Variants in MCF2 observed in about 807,000 individuals in gnomAD.
MCF2 encodes the protein MCF.2 cell line derived transforming sequence, also known as proto-oncogene DBL.
Under a neutral mutation model 82.5 loss-of-function variants are expected in MCF2, and 44 were observed. The ratio of observed to expected loss-of-function variants is 0.53; its 90% CI spans 0.42 to 0.69. MCF2 has a LOEUF of 0.69. MCF2 is among the 30% of genes least tolerant of loss of function. MCF2 has a pLI of 0.00. For synonymous variants in MCF2, 217 were observed against 224.9 expected, an observed-to-expected ratio of 0.96 and a Z score of 0.32; for missense variants, 623 against 663.1, an observed-to-expected ratio of 0.94 and a Z score of 0.66.
At chrX:139,646,869 C>T (rs372437732), upstream of MCF2, 58 of 1,181,944 alleles carry the variant, frequency 4.9e-5, no homozygotes, top group Middle Eastern at 2.3e-4. Context: ...TTTCTGGAAA[C>T]GTAATGATCC....
chrX:139,701,656 T>G (rs1417879217), intron 1 of MCF2, among the ~76,000 whole-genome samples: 1 of 112,166 alleles, frequency 8.9e-6, no homozygotes, highest in African/African-American at 3.2e-5. Context: ...AAAACACCCT[T>G]TCTCTGTCTC....
At chrX:139,646,559 T>C (rs748490867), upstream of MCF2, among the ~76,000 whole-genome samples, 58 of 111,695 alleles carry the variant, frequency 5.2e-4, 1 homozygote, top group Non-Finnish European at 7.2e-4. Flanking sequence ...TGGGAACAAA[T>C]ACTCCTAGAT....
Position 139,588,364 on chromosome X carries a change from C to T in MCF2, c.2445G>A (p.Leu815=), listed in dbSNP as rs767631261. The T allele has an allele frequency of 4.2e-6, 5 of 1,203,498 alleles. No individual in the cohort carries two copies. The East Asian group carries it at 1.5e-4, about 36-fold the overall frequency. ...AGAATGCAGGCTTGAATTTACCTGT[C>T]AAAAGTTCCTGCTGCTTCAACAAAA... Residue 815 remains leucine (L), a synonymous_variant, in exon 21 of 25, where the codon TTG becomes TTA. Transcript: ENST00000370576.
At chrX:139,668,289 G>T (rs1186459972) in intron 1 of MCF2, among the ~76,000 whole-genome samples, 3 of 111,473 alleles carry the variant, frequency 2.7e-5, no homozygotes, top group Non-Finnish European at 5.7e-5. Flanking sequence ...AACACCGCTG[G>T]GTTCCAGGAT....
chrX:139,584,128 CTTTTTTTTT>C (rs1163854425), intron 24 of MCF2, among the ~76,000 whole-genome samples: 5 of 72,641 alleles, frequency 6.9e-5, no homozygotes, highest in African/African-American at 1.7e-4. Context: ...TGCCATTATC[CTTTTTTTTT>C]TTTTTTTTTT....
chrX:139,621,011 T>C (rs1378695333), intron 6 of MCF2, among the ~76,000 whole-genome samples: 5 of 111,199 alleles, frequency 4.5e-5, no homozygotes, highest in African/African-American at 1.6e-4. Flanking sequence ...CTTAGACCAA[T>C]GGAACAGAAT....
intron 1 of MCF2, among the ~76,000 whole-genome samples, chrX:139,676,916 G>GATCAGGCAGTTATGAA (rs1426623439): frequency 9.9e-5 from 11 of 111,422 alleles, no homozygotes; most frequent in Non-Finnish European, 2.1e-4. Context: ...AACAGGTGAT[G>GATCAGGCAGTTATGAA]ATCAGGCAGT....
chrX:139,677,376 C>T (rs1359832735), intron 1 of MCF2, among the ~76,000 whole-genome samples: 1 of 111,736 alleles, frequency 8.9e-6, no homozygotes, highest in Admixed American at 9.5e-5. Context: ...ACTTTACTTC[C>T]TTTCATTCCT....
intron 16 of MCF2, among the ~76,000 whole-genome samples, chrX:139,598,847 C>T (rs989389042): frequency 7.2e-5 from 8 of 111,273 alleles, no homozygotes; most frequent in South Asian, 3.8e-4. Flanking sequence ...AGAAAATTCA[C>T]GAAAGACCAA....
intron 1 of MCF2, among the ~76,000 whole-genome samples, chrX:139,636,708 A>G (rs761491853): frequency 3.6e-5 from 4 of 111,987 alleles, no homozygotes; most frequent in Non-Finnish European, 7.5e-5. Context: ...AGCAGGGAAC[A>G]AAGTAGAAAG....
intron 1 of MCF2, among the ~76,000 whole-genome samples, chrX:139,634,923 C>G (rs1933115004): frequency 9.1e-6 from 1 of 110,324 alleles, no homozygotes; most frequent in Admixed American, 9.7e-5. Context: ...TAGTGAGACC[C>G]CATCTCTACA....
intron 1 of MCF2, chrX:139,692,021 C>T: frequency 8.6e-7 from 1 of 1,166,674 alleles, no homozygotes. Context: ...GAGGGATCGC[C>T]TGGGCTATCG....
intron 11 of MCF2, 123 bp downstream of exon 15, chrX:139,610,178 T>G: frequency 2.2e-6 from 1 of 458,198 alleles, no homozygotes; most frequent in Non-Finnish European, 3.6e-6. Context: ...CAGCTTTTTT[T>G]CTTTTAAATA....
chrX:139,686,242 A>C (rs1400997927), intron 1 of MCF2, among the ~76,000 whole-genome samples: 1 of 111,664 alleles, frequency 9.0e-6, no homozygotes, highest in African/African-American at 3.3e-5. Flanking sequence ...CTCTTATTCA[A>C]GATAGTATTG....
intron 2 of MCF2, among the ~76,000 whole-genome samples, chrX:139,648,447 G>A (rs1419940210): frequency 9.1e-6 from 1 of 109,708 alleles, no homozygotes; most frequent in African/African-American, 3.3e-5. Context: ...CGCAAAAGAA[G>A]ACAGAAATGG....
At chrX:139,664,822 C>T (rs1934462324) in intron 1 of MCF2, among the ~76,000 whole-genome samples, 1 of 111,942 alleles carries the variant, frequency 8.9e-6, no homozygotes, top group African/African-American at 3.2e-5. Context: ...TCACCCAAGG[C>T]CCATGGCATA....
chrX:139,682,960 C>T (rs1367383580), intron 1 of MCF2, among the ~76,000 whole-genome samples: 1 of 111,402 alleles, frequency 9.0e-6, no homozygotes, highest in Admixed American at 9.6e-5. Flanking sequence ...GTTAGGGTCT[C>T]ACTCTGTCAC....
intron 6 of MCF2, among the ~76,000 whole-genome samples, chrX:139,620,027 G>GTGTATATATATATATATATATA (rs1308473149): frequency 1.0e-5 from 1 of 100,386 alleles, no homozygotes; most frequent in African/African-American, 4.1e-5. Flanking sequence ...GTGTGTGTGT[G>GTGTATATATATATATATATATA]TATATATATA....
intron 10 of MCF2, among the ~76,000 whole-genome samples, chrX:139,612,182 A>T (rs1018336354): frequency 3.6e-5 from 4 of 110,893 alleles, no homozygotes; most frequent in Non-Finnish European, 5.7e-5. Context: ...GGCATAAGTG[A>T]GGAGGAACCA....
Sources: gnomAD v4.1 joint callset for allele counts (sites outside exome capture counted in the v4.1 genomes callset) on GRCh38, gnomAD v4.1.1 for gene constraint, MANE v1.5 for transcripts, NCBI Gene and HGNC (gene_info 2026-07-23, HGNC 2026-07-21) for gene names.